Variants in ADK observed in about 807,000 individuals in gnomAD.
The protein encoded by ADK is N6,N6-dimethyladenosine kinase.
ADK carries 24 observed loss-of-function variants against 44.7 expected under a neutral mutation model. That is an observed-to-expected ratio of 0.54 (90% confidence interval 0.39 to 0.76). ADK has a LOEUF of 0.76. Among genes scored for constraint, ADK ranks in the 30% least tolerant of loss-of-function variants. The pLI, the probability that ADK is intolerant of heterozygous loss-of-function variation, is 0.00. For synonymous variants in ADK, 128 were observed against 142.6 expected (o/e 0.90, Z 0.73); for missense variants, 321 against 425.1 (o/e 0.76, Z 2.15).
chr10:74,573,733 G>A (rs369167717), intron 7 of ADK, among the ~76,000 whole-genome samples: 5 of 152,116 alleles, frequency 3.3e-5, no homozygotes, highest in East Asian at 3.9e-4. Flanking sequence ...CCCCAGCCTC[G>A]CTGCTGCCTT....
chr10:74,230,367 T>C (rs1259007580), intron 3 of ADK, among the ~76,000 whole-genome samples: 1 of 152,108 alleles, frequency 6.6e-6, no homozygotes, highest in Non-Finnish European at 1.5e-5. Context: ...AATGACTTGC[T>C]ATAGTTTACA....
chr10:74,504,395 C>G (rs370816689), intron 6 of ADK, among the ~76,000 whole-genome samples: 1 of 152,138 alleles, frequency 6.6e-6, no homozygotes, highest in African/African-American at 2.4e-5. Flanking sequence ...GGGTTAGAGG[C>G]ACTCCCCTCC....
intron 6 of ADK, among the ~76,000 whole-genome samples, chr10:74,431,372 CT>C (rs1475930254): frequency 2.0e-5 from 3 of 152,166 alleles, no homozygotes; most frequent in Admixed American, 6.5e-5. Flanking sequence ...ATATCTGTTT[CT>C]TTAGGCAAAC....
At chr10:74,655,538 G>C in intron 9 of ADK, 4 of 501,530 alleles carry the variant, frequency 8.0e-6, no homozygotes, top group South Asian at 6.4e-5. Flanking sequence ...CAATGAACCA[G>C]ATGTTAAACC....
intron 3 of ADK, among the ~76,000 whole-genome samples, chr10:74,268,553 G>C (rs1482396442): frequency 6.6e-6 from 1 of 152,054 alleles, no homozygotes; most frequent in East Asian, 1.9e-4. Flanking sequence ...GAAATACCTA[G>C]CCTAGTGCCT....
At chr10:74,221,429 A>T (rs1363794757) in intron 2 of ADK, among the ~76,000 whole-genome samples, 1 of 152,176 alleles carries the variant, frequency 6.6e-6, no homozygotes, top group East Asian at 1.9e-4. Context: ...CAATATCGTG[A>T]AAATGGCCAT....
At chr10:74,491,565 A>G (rs1847485889) in intron 6 of ADK, among the ~76,000 whole-genome samples, 1 of 152,194 alleles carries the variant, frequency 6.6e-6, no homozygotes, top group African/African-American at 2.4e-5. Context: ...ACTTTAAAAT[A>G]CTTGACCTCC....
chr10:74,276,252 CCT>C (rs1305804733), intron 3 of ADK, among the ~76,000 whole-genome samples: 1 of 152,124 alleles, frequency 6.6e-6, no homozygotes, highest in Admixed American at 6.6e-5. Flanking sequence ...CTATCCTTCC[CCT>C]GTTTGAAGAC....
intron 6 of ADK, chr10:74,423,742 G>A (rs980682520): frequency 9.3e-6 from 4 of 429,424 alleles, no homozygotes; most frequent in South Asian, 1.9e-5. Flanking sequence ...TTTCTTGGCT[G>A]GTGCAAATGT....
chr10:74,346,972 T>C (rs1456870404), intron 4 of ADK, among the ~76,000 whole-genome samples: 1 of 151,568 alleles, frequency 6.6e-6, no homozygotes, highest in African/African-American at 2.4e-5. Context: ...TAGCCGGGCA[T>C]GGTGGGCACC....
intron 6 of ADK, among the ~76,000 whole-genome samples, chr10:74,481,847 A>G (rs1295765092): frequency 6.6e-6 from 1 of 152,236 alleles, no homozygotes; most frequent in East Asian, 1.9e-4. Context: ...AGAATTGTCC[A>G]TATGATGCAC....
intron 7 of ADK, among the ~76,000 whole-genome samples, chr10:74,562,950 T>TATTTTGGTTTG (rs1023634058): frequency 2.0e-5 from 3 of 152,234 alleles, no homozygotes; most frequent in African/African-American, 7.2e-5. Flanking sequence ...GTGTTTGTTT[T>TATTTTGGTTTG]ATTTTGGTTT....
chr10:74,472,277 C>T (rs1025802139), intron 6 of ADK, among the ~76,000 whole-genome samples: 12 of 152,170 alleles, frequency 7.9e-5, no homozygotes, highest in African/African-American at 2.4e-4. Context: ...TTTTTACCAT[C>T]GAGTATTATA....
chr10:74,636,074 G>A (rs1353872129), intron 9 of ADK, among the ~76,000 whole-genome samples: 1 of 151,872 alleles, frequency 6.6e-6, no homozygotes, highest in African/African-American at 2.4e-5. Flanking sequence ...CTTGGCAACA[G>A]AGTGAGACCC....
chr10:74,409,207 T>G (rs1180273740), intron 6 of ADK, among the ~76,000 whole-genome samples: 1 of 152,212 alleles, frequency 6.6e-6, no homozygotes, highest in East Asian at 1.9e-4. Context: ...ATCTATGCGT[T>G]ATTTCAAATA....
chr10:74,663,448 C>T (rs1226035283), intron 9 of ADK, among the ~76,000 whole-genome samples: 4 of 151,788 alleles, frequency 2.6e-5, no homozygotes, highest in Admixed American at 6.6e-5. Context: ...TAGCTAAGCC[C>T]GAACTAGACT....
intron 10 of ADK, among the ~76,000 whole-genome samples, chr10:74,686,525 G>T (rs1855795615): frequency 1.3e-5 from 2 of 152,140 alleles, no homozygotes. Flanking sequence ...AATGCCAACA[G>T]CTTGATCTTG....
At chr10:74,234,820 T>C (rs1225949553) in intron 3 of ADK, among the ~76,000 whole-genome samples, 1 of 152,200 alleles carries the variant, frequency 6.6e-6, no homozygotes, top group Non-Finnish European at 1.5e-5. Flanking sequence ...TTTAGAAAAG[T>C]GATCTAAACA....
intron 9 of ADK, among the ~76,000 whole-genome samples, chr10:74,669,977 A>G (rs1352523496): frequency 6.6e-6 from 1 of 152,184 alleles, no homozygotes; most frequent in Admixed American, 6.5e-5. Flanking sequence ...ATACAGCAGC[A>G]TCTGTATGCT....
Sources: gnomAD v4.1 joint callset for allele counts (sites outside exome capture counted in the v4.1 genomes callset) on GRCh38, gnomAD v4.1.1 for gene constraint, MANE v1.5 for transcripts, NCBI Gene and HGNC (gene_info 2026-07-23, HGNC 2026-07-21) for gene names.